Variants in CAPN9 observed in about 807,000 individuals in gnomAD.
CAPN9 encodes the protein calpain 9.
Under a neutral mutation model 92.8 loss-of-function variants are expected in CAPN9, and 81 were observed. The ratio of observed to expected loss-of-function variants is 0.87; its 90% CI spans 0.73 to 1.05. CAPN9 has a LOEUF of 1.05. CAPN9 is among the 50% of genes least tolerant of loss of function. The probability of loss-of-function intolerance (pLI) is 0.00; values close to 1 mark genes in which losing one functional copy is unlikely to be tolerated. For missense variants in CAPN9, 848 were observed against 866.2 expected (o/e 0.98, Z 0.26); for synonymous variants, 304 against 328.0 (o/e 0.93, Z 0.79).
At chr1:230,748,101 G>T (rs1253721863) in intron 1 of CAPN9, among the ~76,000 whole-genome samples, 4 of 152,192 alleles carry the variant, frequency 2.6e-5, no homozygotes, top group African/African-American at 9.7e-5. Context: ...GTGGCTTCTG[G>T]CCCAGAGCTG....
At chr1:230,779,710 C>T (rs763566454) in intron 9 of CAPN9, among the ~76,000 whole-genome samples, 25 of 152,082 alleles carry the variant, frequency 1.6e-4, no homozygotes, top group Non-Finnish European at 2.9e-4. Flanking sequence ...GTCCAATCCT[C>T]GGTGGCAAAA....
intron 11 of CAPN9, among the ~76,000 whole-genome samples, chr1:230,783,481 T>C (rs35804676): frequency 0.05 from 7,614 of 152,208 alleles, 613 homozygotes; most frequent in African/African-American, 0.17. Context: ...TCTTGTGAGA[T>C]GTGGTTAATA....
chr1:230,767,789 C>A (rs1259547554), intron 5 of CAPN9, 80 bp downstream of exon 5: 1 of 1,311,914 alleles, frequency 7.6e-7, no homozygotes, highest in Non-Finnish European at 1.1e-6. Flanking sequence ...TGGGGCTGTA[C>A]CAGGTACCCC....
intron 6 of CAPN9, among the ~76,000 whole-genome samples, 173 bp from the exon 7 acceptor site, chr1:230,771,841 G>T (rs1666405405): frequency 6.6e-6 from 1 of 152,236 alleles, no homozygotes; most frequent in Admixed American, 6.5e-5. Flanking sequence ...AAGGTTCCAA[G>T]GGCTGGTTAA....
intron 11 of CAPN9, among the ~76,000 whole-genome samples, chr1:230,781,118 C>T (rs778733474): frequency 2.0e-5 from 3 of 152,158 alleles, no homozygotes; most frequent in Non-Finnish European, 4.4e-5. Context: ...ATCCACCCGC[C>T]TCAGCCTCCC....
chr1:230,785,473 G>A (rs1667519030), intron 11 of CAPN9, among the ~76,000 whole-genome samples: 1 of 152,146 alleles, frequency 6.6e-6, no homozygotes, highest in South Asian at 2.1e-4. Flanking sequence ...GATCTCTCAT[G>A]GCTTGGTGCT....
chr1:230,751,611 G>A (rs201492172), intron 1 of CAPN9, among the ~76,000 whole-genome samples: 3 of 21,918 alleles, frequency 1.4e-4, no homozygotes, highest in Non-Finnish European at 1.7e-4. Flanking sequence ...GAAAGAAAGA[G>A]AAAGAAAGAA....
At chr1:230,758,555 G>A (rs769981885) in intron 2 of CAPN9, among the ~76,000 whole-genome samples, 1 of 152,136 alleles carries the variant, frequency 6.6e-6, no homozygotes, top group Non-Finnish European at 1.5e-5. Flanking sequence ...AGGGCGATTC[G>A]GAATTAGCTT....
intron 11 of CAPN9, among the ~76,000 whole-genome samples, chr1:230,781,452 A>G (rs1441723591): frequency 6.6e-6 from 1 of 152,206 alleles, no homozygotes; most frequent in African/African-American, 2.4e-5. Context: ...TCCAATTTAA[A>G]TAAATGTTGG....
chr1:230,757,546 C>A (rs1261483652), intron 2 of CAPN9, among the ~76,000 whole-genome samples: 36 of 151,880 alleles, frequency 2.4e-4, no homozygotes, highest in Admixed American at 2.4e-3. Context: ...TAAAGAATAA[C>A]AAGAAAATGA....
At chr1:230,786,394 G>C (rs920535279) in intron 12 of CAPN9, among the ~76,000 whole-genome samples, 2 of 152,124 alleles carry the variant, frequency 1.3e-5, no homozygotes, top group South Asian at 2.1e-4. Context: ...TATTTGGGGA[G>C]GTAAAGGAGG....
intron 11 of CAPN9, among the ~76,000 whole-genome samples, chr1:230,782,570 T>C (rs1667297644): frequency 6.6e-6 from 1 of 152,160 alleles, no homozygotes; most frequent in African/African-American, 2.4e-5. Context: ...CAAGTCCCCC[T>C]AAATATGTGA....
intron 7 of CAPN9, among the ~76,000 whole-genome samples, chr1:230,774,259 G>C (rs996220895): frequency 8.5e-5 from 13 of 152,328 alleles, no homozygotes; most frequent in Admixed American, 2.0e-4. Context: ...TACCCCACGG[G>C]CATGCAATGC....
Position 230,799,772 on chromosome 1 carries a change from C to T in CAPN9, c.2046+1552C>T, listed in dbSNP as rs2102946241. 2.6e-5 allele frequency among the ~76,000 whole-genome samples: 4 copies of T among 152,300 alleles called. No homozygotes were observed. The South Asian group carries it at 8.3e-4, about 32-fold the overall frequency. On this transcript the variant is annotated intron_variant, in intron 19 of 19. Transcript: ENST00000271971. ...AGGAAGCTGGGCATGGTGGTGTGCA[C>T]CTGCAGTCCCAGCTATTTGGGAGGC...
chr1:230,751,658 AGAAAGAAAGAAAG>A (rs2102827149), intron 1 of CAPN9, among the ~76,000 whole-genome samples: 1 of 63,020 alleles, frequency 1.6e-5, no homozygotes, highest in Admixed American at 1.3e-4. Flanking sequence ...AAAGAAAGAA[AGAAAGAAAGAAAG>A]AAAGAAAGAA....
At chr1:230,751,663 GA>G (rs1369888085) in intron 1 of CAPN9, among the ~76,000 whole-genome samples, 1 of 67,464 alleles carries the variant, frequency 1.5e-5, no homozygotes, top group Non-Finnish European at 3.1e-5. Flanking sequence ...AAGAAAGAAA[GA>G]AAGAAAGAAA....
Position 230,767,737 on chromosome 1 carries a change from G to A in CAPN9, c.705+28G>A, listed in dbSNP as rs559006925. 58 of 1,606,190 alleles carry A rather than the reference G, an allele frequency of 3.6e-5. No homozygotes were observed. In the East Asian group the frequency reaches 5.1e-4, roughly 14 times the overall value. On this transcript the variant is annotated intron_variant, in intron 5 of 19. Coordinates refer to ENST00000271971, the MANE Select transcript of CAPN9 (RefSeq NM_006615.3). ...AAGTTGCTCATGGGCTCCCATTCCA[G>A]GCACTATGCTGGGGCTGCATAGTGC...
chr1:230,762,588 C>T (rs898680284), intron 3 of CAPN9, 65 bp from the exon 4 acceptor site: 1 of 1,573,910 alleles, frequency 6.4e-7, no homozygotes, highest in Non-Finnish European at 8.6e-7. Context: ...TCAACATTTA[C>T]AAACAGGGCC....
intron 3 of CAPN9, among the ~76,000 whole-genome samples, chr1:230,761,192 C>T (rs1006571982): frequency 1.2e-4 from 19 of 152,130 alleles, no homozygotes; most frequent in Non-Finnish European, 2.5e-4. Flanking sequence ...CAATACTCCG[C>T]CCGCTCCCCT....
Sources: allele counts gnomAD v4.1 joint callset (sites outside exome capture counted in the v4.1 genomes callset), GRCh38; gene constraint gnomAD v4.1.1; transcripts MANE v1.5; gene names NCBI Gene and HGNC (gene_info 2026-07-23, HGNC 2026-07-21).